Variants in NR3C1 observed in about 807,000 individuals in gnomAD.
NR3C1 encodes the protein nuclear receptor subfamily 3 group C member 1.
A neutral mutation model predicts 74.0 loss-of-function variants in NR3C1; 14 were observed. The observed-to-expected ratio is 0.19, with a 90% CI of 0.12 to 0.30. NR3C1 has a LOEUF of 0.30. Ranked by LOEUF, NR3C1 falls within the 10% of genes least tolerant of loss-of-function variation. NR3C1 has a pLI of 1.00. For missense variants in NR3C1, 695 were observed against 909.8 expected, an observed-to-expected ratio of 0.76 and a Z score of 3.04; for synonymous variants, 308 against 332.5, an observed-to-expected ratio of 0.93 and a Z score of 0.80.
At chr5:143,411,372 T>C (rs975012034) in intron 1 of NR3C1, among the ~76,000 whole-genome samples, 2 of 152,352 alleles carry the variant, frequency 1.3e-5, no homozygotes, top group African/African-American at 4.8e-5. Context: ...TGAAAGCTAT[T>C]ATCAGCAAAA....
At chr5:143,316,609 G>C (rs538838819) in intron 2 of NR3C1, among the ~76,000 whole-genome samples, 74 of 152,202 alleles carry the variant, frequency 4.9e-4, no homozygotes, top group Non-Finnish European at 9.6e-4. Flanking sequence ...GATCCCAGCT[G>C]TACCACTTCA....
chr5:143,299,005 G>GTTTTTTTTTT (rs35039262), intron 5 of NR3C1, among the ~76,000 whole-genome samples, 193 bp from the exon 6 acceptor site: 3 of 106,730 alleles, frequency 2.8e-5, no homozygotes, highest in Non-Finnish European at 3.7e-5. Flanking sequence ...ACCCTCTTGT[G>GTTTTTTTTTT]TTTTTTTTTT....
At chr5:143,290,103 A>G (rs1160797759) in intron 7 of NR3C1, among the ~76,000 whole-genome samples, 1 of 152,194 alleles carries the variant, frequency 6.6e-6, no homozygotes, top group Non-Finnish European at 1.5e-5. Flanking sequence ...ATGTAATTTG[A>G]AACTATATAT....
At chr5:143,350,865 T>C (rs1198678581) in intron 2 of NR3C1, among the ~76,000 whole-genome samples, 3 of 152,110 alleles carry the variant, frequency 2.0e-5, no homozygotes, top group African/African-American at 4.8e-5. Flanking sequence ...AACAGGATCC[T>C]GGTGTCTAGC....
chr5:143,306,729 T>C (rs544097786), intron 4 of NR3C1, among the ~76,000 whole-genome samples: 1 of 152,290 alleles, frequency 6.6e-6, no homozygotes, highest in South Asian at 2.1e-4. Context: ...AGTAGAAGAA[T>C]GTATATCAAA....
chr5:143,402,558 A>C (rs1282579155), intron 1 of NR3C1: 5 of 976,320 alleles, frequency 5.1e-6, no homozygotes, highest in African/African-American at 1.8e-5. Flanking sequence ...GCGGGGGTGG[A>C]GAAGAGAAAA....
rs768259309 is a variant in NR3C1 at position 143,295,423 on chromosome 5, A to C, written c.2023+37T>G. 4.4e-6 allele frequency: 7 copies of C among 1,608,498 alleles called. No homozygotes were observed. In the South Asian group the frequency reaches 6.6e-5, roughly 15 times the overall value. Reference sequence around the variant, plus strand: ...CTTTGTTTCTAGGCCTTCATATTTCATGCTTTTGACATAAGGTGAAAAGGT... The same window carrying C: ...CTTTGTTTCTAGGCCTTCATATTTCCTGCTTTTGACATAAGGTGAAAAGGT... On this transcript the variant is annotated intron_variant, in intron 7 of 8. Transcript: ENST00000394464.
At chr5:143,343,993 T>C (rs1828734752) in intron 2 of NR3C1, among the ~76,000 whole-genome samples, 1 of 152,244 alleles carries the variant, frequency 6.6e-6, no homozygotes, top group Admixed American at 6.5e-5. Flanking sequence ...ATTTTACTTT[T>C]ATAAATCAGT....
chr5:143,345,618 T>C (rs1390243046), intron 2 of NR3C1, among the ~76,000 whole-genome samples: 1 of 152,218 alleles, frequency 6.6e-6, no homozygotes, highest in Non-Finnish European at 1.5e-5. Flanking sequence ...CTAATTATTA[T>C]TTCTGAGCTA....
rs141069683 is a variant in NR3C1 at position 143,335,046 on chromosome 5, G to A, written c.1185-20878C>T. 1.3e-3 allele frequency among the ~76,000 whole-genome samples: 201 copies of A among 152,282 alleles called. 2 individuals carry two copies. Among genetic ancestry groups the A allele is most frequent in the African/African-American group, 4.2e-3 (173 of 41,554 alleles). On this transcript the variant is annotated intron_variant, in intron 2 of 8. Transcript: ENST00000394464. ...GGGTATGCAATAGAGAACATGAGGG[G>A]TTCACACCTTCTTGACACTGCAGGG...
chr5:143,368,979 C>G (rs1184011653), intron 2 of NR3C1, among the ~76,000 whole-genome samples: 3 of 152,224 alleles, frequency 2.0e-5, no homozygotes, highest in East Asian at 3.9e-4. Flanking sequence ...TCTTCCTCTT[C>G]TTATAAAGCC....
chr5:143,296,218 GA>G (rs1388665730), intron 6 of NR3C1, among the ~76,000 whole-genome samples: 6 of 151,516 alleles, frequency 4.0e-5, no homozygotes, highest in Non-Finnish European at 8.8e-5. Context: ...CCTGACTTGT[GA>G]AATGACACTA....
At chr5:143,357,427 A>C (rs1831348032) in intron 2 of NR3C1, among the ~76,000 whole-genome samples, 2 of 152,242 alleles carry the variant, frequency 1.3e-5, no homozygotes, top group South Asian at 4.1e-4. Flanking sequence ...AGAAAGCTGA[A>C]ATTGGAGAAA....
Position 143,300,410 on chromosome 5 carries a change from T to C in NR3C1, c.1747+75A>G, listed in dbSNP as rs1818269566. The C allele has an allele frequency of 6.3e-7, 1 of 1,584,494 alleles. No individual in the cohort carries two copies. Among genetic ancestry groups the C allele is most frequent in the Non-Finnish European group, 8.7e-7 (1 of 1,154,622 alleles). On this transcript the variant is annotated intron_variant, in intron 5 of 8. Coordinates refer to ENST00000394464, the MANE Select transcript of NR3C1 (RefSeq NM_000176.3). The surrounding 1 kb of genome is among the most constrained non-coding windows in gnomAD (Gnocchi z 5.2). The stretch of plus-strand genomic sequence containing the variant: ...AAGATAAGCCATGGGCTCACGATGA[T>C]ATAAAAGCCAAAGTGTTTTTGCTGA...
In NR3C1 at chr5:143,282,598, T is replaced by G. The variant is rs770730144; in HGVS notation, c.2151A>C (p.Gln717His). ...GCATAGAATCCAAGAGTTTTGTCAG[T>G]TGATAAAACCGCTGCCAGTTCTGGC... is the stretch of plus-strand genomic sequence containing the variant. ...NSSQNWQRFY[Q>H]LTKLLDSMHE... Residue 717 changes from glutamine (Q) to histidine (H), a missense_variant, in exon 8 of 9, where the codon CAA (glutamine) becomes CAC (histidine). Coordinates refer to ENST00000394464, the MANE Select transcript of NR3C1 (RefSeq NM_000176.3). 5 of 1,613,878 alleles carry G rather than the reference T, an allele frequency of 3.1e-6. No individual in the cohort carries two copies. The East Asian group carries it at 1.1e-4, about 36-fold the overall frequency.
intron 1 of NR3C1, among the ~76,000 whole-genome samples, chr5:143,423,416 A>C (rs557185723): frequency 6.6e-6 from 1 of 152,310 alleles, no homozygotes; most frequent in African/African-American, 2.4e-5. Flanking sequence ...ATCTCATCCC[A>C]GTGAAAATTG....
In NR3C1 at chr5:143,400,629, T is replaced by G. The variant is rs1477109172; in HGVS notation, c.211A>C (p.Ser71Arg). ...LLVDFPKGSVSNAQQPDLSKA... is the reference protein window; with the variant it reads ...LLVDFPKGSVRNAQQPDLSKA... ...GACAGATCTGGCTGCTGCGCATTGC[T>G]TACTGAGCCTTTTGGAAAATCAACC... is the stretch of plus-strand genomic sequence containing the variant. Residue 71 changes from serine to arginine, a missense_variant, in exon 2 of 9, where the codon AGC becomes CGC. Physicochemically the swap from Ser to Arg is moderately radical, Grantham distance 110. This residue lies in a region of NR3C1 where 497 missense variants were observed against 489.5 expected (regional missense o/e 1.02). Transcript: ENST00000394464. 2 of 1,614,108 alleles carry G rather than the reference T, an allele frequency of 1.2e-6. No individual in the cohort carries two copies. The highest frequency in any genetic ancestry group is 1.7e-5 in the Admixed American group (1 of 60,028).
At chr5:143,435,034 T>G in exon 1 of NR3C1, 1 of 985,362 alleles carries the variant, frequency 1.0e-6, no homozygotes, top group Non-Finnish European at 1.2e-6. Flanking sequence ...GAGCCACTGA[T>G]TCAGCAGATA....
chr5:143,403,734 G>A (rs1422205667), upstream of NR3C1: 36 of 985,114 alleles, frequency 3.7e-5, no homozygotes, highest in Non-Finnish European at 4.3e-5. Flanking sequence ...CTCCACCCCC[G>A]GCCGCTCCCC....
Sources: gnomAD v4.1 joint callset for allele counts (sites outside exome capture counted in the v4.1 genomes callset) on GRCh38, gnomAD v4.1.1 for gene constraint, gnomAD v4.1.1 regional missense constraint, Gnocchi (gnomAD v3.1) non-coding constraint, MANE v1.5 for transcripts, NCBI Gene and HGNC (gene_info 2026-07-23, HGNC 2026-07-21) for gene names.